The following PDE9A variants were observed in gnomAD, a reference collection of about 807,000 sequenced individuals.
PDE9A encodes the protein high affinity cGMP-specific 3',5'-cyclic phosphodiesterase 9A.
A neutral mutation model predicts 87.4 loss-of-function variants in PDE9A; 60 were observed. The ratio of observed to expected loss-of-function variants is 0.69; its 90% CI spans 0.56 to 0.85. The LOEUF is 0.85. PDE9A is among the 40% of genes least tolerant of loss of function. PDE9A has a pLI of 0.00. For missense variants in PDE9A, 665 were observed against 779.0 expected, an observed-to-expected ratio of 0.85 and a Z score of 1.74; for synonymous variants, 272 against 279.4, an observed-to-expected ratio of 0.97 and a Z score of 0.27.
intron 16 of PDE9A, chr21:42,768,710 A>G (rs2056629226): frequency 1.0e-6 from 1 of 985,420 alleles, no homozygotes; most frequent in East Asian, 1.1e-4. Context: ...ACAACCACCA[A>G]ATATTAATAC....
chr21:42,763,495 C>T (rs1271522639), intron 14 of PDE9A, among the ~76,000 whole-genome samples: 1 of 152,162 alleles, frequency 6.6e-6, no homozygotes, highest in Non-Finnish European at 1.5e-5. Flanking sequence ...CCCCCAGGAG[C>T]AGGAGGAGAC....
rs2057314631 is a variant in PDE9A at position 42,659,321 on chromosome 21, C to G, written c.69+5438C>G. Among the ~76,000 whole-genome samples the G allele has an allele frequency of 6.6e-6, 1 of 152,242 alleles. No homozygotes were observed. Among genetic ancestry groups the G allele is most frequent in the Non-Finnish European group, 1.5e-5 (1 of 68,044 alleles). On this transcript the variant is annotated intron_variant, in intron 1 of 19. Transcript: ENST00000291539. The surrounding 1 kb of genome is among the most constrained non-coding windows in gnomAD (Gnocchi z 4.1). ...ATGAATGACCTGGAAACCTCTCAGA[C>G]TAAACCAATGCCGCCCAATCTGGGA... is the stretch of plus-strand genomic sequence containing the variant.
chr21:42,769,248 TACACACAGACACACACTCATGC>T, intron 17 of PDE9A, 93 bp downstream of exon 17: 1 of 1,198,782 alleles, frequency 8.3e-7, no homozygotes, highest in Non-Finnish European at 1.2e-6. Flanking sequence ...TGCACACAGG[TACACACAGACACACACTCATGC>T]ACACACGTAC....
At chr21:42,686,731 C>T (rs760000429) in intron 2 of PDE9A, among the ~76,000 whole-genome samples, 2 of 152,190 alleles carry the variant, frequency 1.3e-5, no homozygotes, top group Non-Finnish European at 2.9e-5. Flanking sequence ...AGGAGAATGG[C>T]TTGAACCCTG....
At chr21:42,755,526 C>T (rs2054937557) in intron 10 of PDE9A, among the ~76,000 whole-genome samples, 1 of 152,186 alleles carries the variant, frequency 6.6e-6, no homozygotes, top group South Asian at 2.1e-4. Flanking sequence ...GACCGGGGCG[C>T]AGAGACGACA....
intron 1 of PDE9A, among the ~76,000 whole-genome samples, chr21:42,658,901 G>A (rs1400233935): frequency 1.3e-5 from 2 of 152,204 alleles, no homozygotes; most frequent in East Asian, 1.9e-4. Flanking sequence ...GGGGGTGGCG[G>A]TGGTGGAGGG....
chr21:42,700,184 C>T (rs2048272012), intron 4 of PDE9A, among the ~76,000 whole-genome samples: 1 of 152,050 alleles, frequency 6.6e-6, no homozygotes, highest in Non-Finnish European at 1.5e-5. Flanking sequence ...TGTGTAGAGA[C>T]AGTTCATGCT....
At chr21:42,742,990 A>T (rs746846397) in intron 7 of PDE9A, among the ~76,000 whole-genome samples, 72 of 152,200 alleles carry the variant, frequency 4.7e-4, no homozygotes, top group Non-Finnish European at 1.2e-4. Flanking sequence ...TCTCGTCCCC[A>T]GGCAAGAAGC....
chr21:42,687,598 T>G (rs890581612), intron 2 of PDE9A, among the ~76,000 whole-genome samples: 1 of 152,202 alleles, frequency 6.6e-6, no homozygotes, highest in Non-Finnish European at 1.5e-5. Context: ...TCTGCTGATA[T>G]AAATGTTAGT....
intron 15 of PDE9A, among the ~76,000 whole-genome samples, chr21:42,767,088 G>A (rs545645958): frequency 6.6e-6 from 1 of 152,244 alleles, no homozygotes; most frequent in African/African-American, 2.4e-5. Context: ...GCACGGCCAG[G>A]CATCGTCTCA....
chr21:42,696,962 C>G lies in PDE9A; in HGVS notation c.219-2006C>G, dbSNP rs186162743. On this transcript the variant is annotated intron_variant, in intron 3 of 19. Coordinates refer to ENST00000291539, the MANE Select transcript of PDE9A (RefSeq NM_002606.3). The surrounding 1 kb of genome is among the most constrained non-coding windows in gnomAD (Gnocchi z 5.1). ...CCCAGTGCCTCTTATGACCAAGTCT[C>G]TGGGGAGAAATGAGCCCTCCAGTGC... Among the ~76,000 whole-genome samples, 41 of 152,336 alleles carry G rather than the reference C, an allele frequency of 2.7e-4. No individual in the cohort carries two copies. Among genetic ancestry groups the G allele is most frequent in the African/African-American group, 8.9e-4 (37 of 41,576 alleles).
Position 42,773,582 on chromosome 21 carries a change from G to A in PDE9A, c.1768+1062G>A, listed in dbSNP as rs539077293. 3.5e-4 allele frequency among the ~76,000 whole-genome samples: 53 copies of A among 151,496 alleles called. No individual in the cohort carries two copies. In the East Asian group the frequency reaches 8.6e-3, roughly 25 times the overall value. On this transcript the variant is annotated intron_variant, in intron 19 of 19. Coordinates refer to ENST00000291539, the MANE Select transcript of PDE9A (RefSeq NM_002606.3). Reference sequence around the variant, plus strand: ...AAGCACTTTGGGAGGCCAAGGCGGCGGATCACGAGGAGATCGAGACCATCC... The same window carrying A: ...AAGCACTTTGGGAGGCCAAGGCGGCAGATCACGAGGAGATCGAGACCATCC...
chr21:42,754,816 C>T (rs542118781), intron 10 of PDE9A, among the ~76,000 whole-genome samples: 1 of 152,272 alleles, frequency 6.6e-6, no homozygotes, highest in South Asian at 2.1e-4. Flanking sequence ...CCTTCTCTGC[C>T]ATTCTCCATG....
At position 42,697,590 on chromosome 21, in the gene PDE9A, A is replaced by T. The variant is rs1602117369; in HGVS notation, c.219-1378A>T. ...AAACAGCTAGACATTGAGTTCTCAGAGTCTGGAGGCTGAAATCCAAGATGA... is the reference window on the plus strand; with the variant it reads ...AAACAGCTAGACATTGAGTTCTCAGTGTCTGGAGGCTGAAATCCAAGATGA... On this transcript the variant is annotated intron_variant, in intron 3 of 19. Coordinates refer to ENST00000291539, the MANE Select transcript of PDE9A (RefSeq NM_002606.3). The T allele has an allele frequency of 4.4e-5, 36 of 814,888 alleles. 2 individuals are homozygous for T. In the South Asian group the frequency reaches 4.9e-4, roughly 11 times the overall value. The allele number at this position is 814,888 out of a possible 1,614,324, so 50.5% of individuals were successfully genotyped here. A position where few individuals can be genotyped will look rare whatever the true frequency, so the allele number is the denominator to read the frequency against.
At chr21:42,698,504 G>C (rs736397) in intron 3 of PDE9A, among the ~76,000 whole-genome samples, 5 of 151,192 alleles carry the variant, frequency 3.3e-5, no homozygotes, top group African/African-American at 1.2e-4. Context: ...GATGGGGGGA[G>C]GGGGGTTGAC....
At chr21:42,765,986 A>G (rs1569272961) in intron 15 of PDE9A, among the ~76,000 whole-genome samples, 1 of 152,182 alleles carries the variant, frequency 6.6e-6, no homozygotes, top group Non-Finnish European at 1.5e-5. Context: ...GAGAAGGTGC[A>G]CTTAGGTTGC....
chr21:42,671,629 CAGAT>C (rs57250794), intron 1 of PDE9A, among the ~76,000 whole-genome samples: 1,924 of 152,240 alleles, frequency 0.013, 39 homozygotes, highest in African/African-American at 0.042. Flanking sequence ...TGTACACAGA[CAGAT>C]GGATGGACAG....
chr21:42,695,506 C>T lies in PDE9A; in HGVS notation c.219-3462C>T, dbSNP rs1209227876. Among the ~76,000 whole-genome samples, 3 of 152,174 alleles carry T rather than the reference C, an allele frequency of 2.0e-5. No homozygotes were observed. Among genetic ancestry groups the T allele is most frequent in the East Asian group, 3.9e-4 (2 of 5,190 alleles). On this transcript the variant is annotated intron_variant, in intron 3 of 19. Transcript: ENST00000291539. This position sits in a 1 kb window ranked among gnomAD's most constrained non-coding sequence, Gnocchi z 4.3. ...ATACAGAGGGGAGAGGGCCAGAGGA[C>T]GGCGCCGTGCGACACACACCATTGC...
chr21:42,699,759 A>G (rs2048239018), intron 4 of PDE9A, among the ~76,000 whole-genome samples: 1 of 151,812 alleles, frequency 6.6e-6, no homozygotes, highest in Non-Finnish European at 1.5e-5. Flanking sequence ...GGATTTTGCC[A>G]TGTTAGCCAG....
Sources: allele counts gnomAD v4.1 joint callset (sites outside exome capture counted in the v4.1 genomes callset), GRCh38; gene constraint gnomAD v4.1.1; non-coding constraint Gnocchi (gnomAD v3.1); transcripts MANE v1.5; gene names NCBI Gene and HGNC (gene_info 2026-07-23, HGNC 2026-07-21).